CTNND2: variants seen among roughly 807,000 people sequenced by gnomAD.
The protein encoded by CTNND2 is catenin delta 2.
In CTNND2, 22 loss-of-function variants were observed where a neutral mutation model predicts 144.4. That is an observed-to-expected ratio of 0.15 (90% CI 0.11 to 0.22). The LOEUF is 0.22. Ranked by LOEUF, CTNND2 falls within the 10% of genes least tolerant of loss-of-function variation. The pLI is 1.00. For missense variants in CTNND2, 1,353 were observed against 1,618.8 expected (o/e 0.84, Z 2.82); for synonymous variants, 751 against 695.6 (o/e 1.08, Z -1.25).
At chr5:11,190,086 T>C (rs971782235) in intron 11 of CTNND2, among the ~76,000 whole-genome samples, 3 of 152,224 alleles carry the variant, frequency 2.0e-5, no homozygotes, top group Admixed American at 1.3e-4. Flanking sequence ...CAAAGCTGGT[T>C]AGGAGATGAC....
At chr5:11,243,799 G>C (rs887686158) in intron 9 of CTNND2, among the ~76,000 whole-genome samples, 4 of 152,144 alleles carry the variant, frequency 2.6e-5, no homozygotes, top group Non-Finnish European at 5.9e-5. Flanking sequence ...TTGATGCATT[G>C]TCACAATATC....
chr5:11,016,979 G>A (rs1158338317), intron 18 of CTNND2, among the ~76,000 whole-genome samples: 1 of 151,566 alleles, frequency 6.6e-6, no homozygotes, highest in African/African-American at 2.4e-5. Context: ...GTTTCACCAT[G>A]TTGGCCAGGC....
At chr5:11,624,573 A>C (rs887994574) in intron 2 of CTNND2, among the ~76,000 whole-genome samples, 1 of 152,094 alleles carries the variant, frequency 6.6e-6, no homozygotes, top group Non-Finnish European at 1.5e-5. Context: ...AATTTTGTTA[A>C]ACAGATGTAA....
chr5:11,801,562 A>G (rs1288431494), intron 1 of CTNND2, among the ~76,000 whole-genome samples: 2 of 152,178 alleles, frequency 1.3e-5, no homozygotes, highest in Non-Finnish European at 2.9e-5. Context: ...TGTAACTAAG[A>G]GCATTGAAAT....
At chr5:11,807,442 G>A (rs1006374212) in intron 1 of CTNND2, among the ~76,000 whole-genome samples, 10 of 152,028 alleles carry the variant, frequency 6.6e-5, no homozygotes, top group Admixed American at 5.9e-4. Flanking sequence ...TTTAACTTAC[G>A]TGATATTCAG....
intron 8 of CTNND2, among the ~76,000 whole-genome samples, chr5:11,360,380 G>A (rs1266998804): frequency 1.3e-5 from 2 of 152,104 alleles, no homozygotes; most frequent in Non-Finnish European, 2.9e-5. Flanking sequence ...CCCTAGAATG[G>A]TCTCTTACTC....
At chr5:11,694,270 C>T (rs917202876) in intron 2 of CTNND2, among the ~76,000 whole-genome samples, 2 of 151,830 alleles carry the variant, frequency 1.3e-5, no homozygotes, top group African/African-American at 4.8e-5. Flanking sequence ...CCCGTCTCTA[C>T]TAAAAATACA....
intron 15 of CTNND2, among the ~76,000 whole-genome samples, chr5:11,095,720 T>C (rs1406426297): frequency 2.0e-5 from 3 of 152,202 alleles, no homozygotes; most frequent in Non-Finnish European, 4.4e-5. Flanking sequence ...ATCCTTAAAT[T>C]TGGTGTTTAG....
intron 16 of CTNND2, among the ~76,000 whole-genome samples, chr5:11,066,003 A>G (rs1158778132): frequency 6.6e-6 from 1 of 151,732 alleles, no homozygotes; most frequent in Non-Finnish European, 1.5e-5. Context: ...GGCAGCCATT[A>G]TAAGACTTCA....
At position 11,375,453 on chromosome 5, in the gene CTNND2, G is replaced by T. The variant is rs533503146; in HGVS notation, c.1177+9212C>A. 2.1e-4 allele frequency among the ~76,000 whole-genome samples: 32 copies of T among 152,196 alleles called. 2 individuals are homozygous for T. In the South Asian group the frequency reaches 6.7e-3, roughly 32 times the overall value. ...TATATAAAACGAGTTGGAGAAGAGA[G>T]GAATTCTGTTATGTAATAAACAGTT... On this transcript the variant is annotated intron_variant, in intron 7 of 21. Transcript: ENST00000304623.
chr5:11,401,531 TC>T lies in CTNND2; in HGVS notation c.440-4329del, dbSNP rs2149822525. ...CCACAGACCTGGGCTCTAGCCCATC[TC>T]CATACTTATTTGACCATAGATGATG... On this transcript the variant is annotated intron_variant, in intron 5 of 21. Transcript: ENST00000304623. 1.3e-5 allele frequency among the ~76,000 whole-genome samples: 2 copies of T among 152,322 alleles called. 1 individual carries two copies. Among genetic ancestry groups the T allele is most frequent in the South Asian group, 4.1e-4 (2 of 4,824 alleles).
At chr5:11,639,759 A>G (rs1255628809) in intron 2 of CTNND2, among the ~76,000 whole-genome samples, 1 of 152,216 alleles carries the variant, frequency 6.6e-6, no homozygotes, top group East Asian at 1.9e-4. Flanking sequence ...AATAAGTCTA[A>G]GTTTTCATAG....
intron 1 of CTNND2, among the ~76,000 whole-genome samples, chr5:11,899,612 T>C (rs1737695121): frequency 6.6e-6 from 1 of 152,214 alleles, no homozygotes; most frequent in Admixed American, 6.5e-5. Context: ...CTAGATAACC[T>C]ATTTAATTAG....
intron 6 of CTNND2, among the ~76,000 whole-genome samples, chr5:11,389,429 CAT>C (rs1384986928): frequency 6.6e-6 from 1 of 152,114 alleles, no homozygotes; most frequent in African/African-American, 2.4e-5. Flanking sequence ...TATCTGTATA[CAT>C]ATGTTTCAGA....
chr5:11,128,769 T>TATAA (rs1322318439), intron 12 of CTNND2, among the ~76,000 whole-genome samples: 3 of 32,174 alleles, frequency 9.3e-5, no homozygotes, highest in Non-Finnish European at 1.2e-4. Flanking sequence ...AATATATATA[T>TATAA]TATATATAAA....
intron 1 of CTNND2, among the ~76,000 whole-genome samples, chr5:11,852,692 T>C (rs779608059): frequency 6.6e-6 from 1 of 152,196 alleles, no homozygotes; most frequent in Non-Finnish European, 1.5e-5. Context: ...TCCTAGATCC[T>C]GGAATTACAC....
At chr5:11,289,866 C>T (rs781695012) in intron 9 of CTNND2, among the ~76,000 whole-genome samples, 9 of 152,250 alleles carry the variant, frequency 5.9e-5, no homozygotes, top group Non-Finnish European at 1.2e-4. Context: ...GGTTCCAAGC[C>T]CAAAAGTTCC....
intron 3 of CTNND2, among the ~76,000 whole-genome samples, chr5:11,522,073 G>C (rs574423495): frequency 1.3e-5 from 2 of 152,234 alleles, no homozygotes; most frequent in Admixed American, 6.5e-5. Context: ...ATGATTATTG[G>C]CTATTAATTC....
At chr5:11,328,595 T>C (rs1202381353) in intron 9 of CTNND2, among the ~76,000 whole-genome samples, 1 of 152,198 alleles carries the variant, frequency 6.6e-6, no homozygotes, top group Non-Finnish European at 1.5e-5. Context: ...CATGAGCCAT[T>C]GCGTCCAATC....
Sources: allele counts gnomAD v4.1 joint callset (sites outside exome capture counted in the v4.1 genomes callset), GRCh38; gene constraint gnomAD v4.1.1; transcripts MANE v1.5; gene names NCBI Gene and HGNC (gene_info 2026-07-23, HGNC 2026-07-21).